Variants in MTO1 observed in about 807,000 individuals in gnomAD.
The protein encoded by MTO1 is 5-taurinomethyluridine-[tRNA] synthase subunit MTO1, mitochondrial.
In MTO1, 46 loss-of-function variants were observed where a neutral mutation model predicts 71.6. The observed-to-expected ratio is 0.64, with a 90% CI of 0.51 to 0.82. The LOEUF is 0.82. Among genes scored for constraint, MTO1 ranks in the 40% least tolerant of loss-of-function variants. The pLI, the probability that MTO1 is intolerant of heterozygous loss-of-function variation, is 0.00. For synonymous variants in MTO1, 297 were observed against 312.1 expected (o/e 0.95, Z 0.51); for missense variants, 773 against 867.5 (o/e 0.89, Z 1.37).
intron 10 of MTO1, among the ~76,000 whole-genome samples, chr6:73,495,211 C>T (rs995294829): frequency 6.6e-6 from 1 of 152,144 alleles, no homozygotes; most frequent in African/African-American, 2.4e-5. Flanking sequence ...AAAGGAAACT[C>T]ATCAGAAACT....
intron 1 of MTO1, among the ~76,000 whole-genome samples, chr6:73,463,915 A>G (rs1374882869): frequency 6.6e-6 from 1 of 151,654 alleles, no homozygotes; most frequent in East Asian, 1.9e-4. Flanking sequence ...AATTTTTTGT[A>G]TTTTTAGTAG....
intron 3 of MTO1, among the ~76,000 whole-genome samples, 163 bp downstream of exon 3, chr6:73,466,769 C>A (rs1339108131): frequency 6.6e-6 from 1 of 152,154 alleles, no homozygotes; most frequent in Admixed American, 6.6e-5. Context: ...TTTCTCTTTT[C>A]ATCTTGGCAT....
chr6:73,492,403 G>C lies in MTO1; in HGVS notation c.1756+51G>C, dbSNP rs757917711. On this transcript the variant is annotated intron_variant, in intron 10 of 11. Coordinates refer to ENST00000498286, the MANE Select transcript of MTO1 (RefSeq NM_012123.4). ...TACCTTTATCATATGTGCAAATTAT[G>C]AATAGACAACAGATCCATTATTACT... The C allele has an allele frequency of 9.1e-6, 11 of 1,215,050 alleles. No individual in the cohort carries two copies. The Middle Eastern group carries it at 5.7e-4, about 63-fold the overall frequency. The allele number at this position is 1,215,050 out of a possible 1,614,324, so 75.3% of individuals were successfully genotyped here. A position where few individuals can be genotyped will look rare whatever the true frequency, so the allele number is the denominator to read the frequency against.
Position 73,473,452 on chromosome 6 carries a change from A to G in MTO1, c.623A>G (p.His208Arg), listed in dbSNP as rs560308812. 30 of 1,614,150 alleles carry G rather than the reference A, an allele frequency of 1.9e-5. No individual in the cohort carries two copies. The South Asian group carries it at 3.0e-4, about 16-fold the overall frequency. ...ATGATTGTAATTGGATTGGAGACGC[A>G]TCCAGCAGGACGTTTAGGGGATCAG... is the stretch of plus-strand genomic sequence containing the variant. Reference protein sequence around the residue: ...RGMIVIGLETHPAGRLGDQPS... With the variant: ...RGMIVIGLETRPAGRLGDQPS... The change falls in exon 4 of 12, where the codon CAT becomes CGT. Residue 208 changes from histidine to arginine, a missense_variant. Coordinates refer to ENST00000498286, the MANE Select transcript of MTO1 (RefSeq NM_012123.4).
At chr6:73,493,700 A>G (rs1394495692) in intron 10 of MTO1, among the ~76,000 whole-genome samples, 2 of 151,530 alleles carry the variant, frequency 1.3e-5, no homozygotes, top group Non-Finnish European at 2.9e-5. Flanking sequence ...ATATATATAT[A>G]TATCTTTATA....
chr6:73,470,294 C>A (rs896691237), intron 3 of MTO1, among the ~76,000 whole-genome samples: 1 of 151,900 alleles, frequency 6.6e-6, no homozygotes, highest in African/African-American at 2.4e-5. Context: ...GCAACCTCTG[C>A]CCCCCAGGTT....
At position 73,479,976 on chromosome 6, in the gene MTO1, A is replaced by T. The variant is rs775265615; in HGVS notation, c.979A>T (p.Asn327Tyr). 6.2e-7 allele frequency: 1 copy of T among 1,613,534 alleles called. No homozygotes were observed. The highest frequency in any genetic ancestry group is 8.5e-7 in the Non-Finnish European group (1 of 1,179,796). Reference protein sequence around the residue: ...SIESKVLRFPNRLHQVWLEPE... With the variant: ...SIESKVLRFPYRLHQVWLEPE... The stretch of plus-strand genomic sequence containing the variant: ...TGAATCAAAAGTTTTGCGTTTTCCA[A>T]ACCGTCTACATCAGGTTTGGTTGGA... The change falls in exon 6 of 12, where the codon AAC becomes TAC. Residue 327 changes from asparagine to tyrosine, a missense_variant. By Grantham distance (143) the Asn-to-Tyr change is moderately radical. Coordinates refer to ENST00000498286, the MANE Select transcript of MTO1 (RefSeq NM_012123.4).
rs1366412623 is a variant in MTO1 at position 73,479,354 on chromosome 6, A to G, written c.826-378A>G. The stretch of plus-strand genomic sequence containing the variant: ...TACCAAAAATACAAAAATTAGCCGA[A>G]CGTAGTGGTGCATGCCTGTGATCCC... On this transcript the variant is annotated intron_variant, in intron 4 of 11. Coordinates refer to ENST00000498286, the MANE Select transcript of MTO1 (RefSeq NM_012123.4). Among the ~76,000 whole-genome samples, 3 of 151,814 alleles carry G rather than the reference A, an allele frequency of 2.0e-5. No homozygotes were observed. In the East Asian group the frequency reaches 5.9e-4, roughly 30 times the overall value.
chr6:73,500,714 A>G lies in MTO1; in HGVS notation c.2058A>G (p.Arg686=). The change falls in exon 12 of 12, where the codon AGA becomes AGG. Residue 686 remains arginine, a synonymous_variant. Transcript: ENST00000498286. The part of the protein sequence containing the change: ...KTDQYLCDAD[R]LQEREL Reference sequence around the variant, plus strand: ...ATCAATACTTATGTGATGCAGACAGACTTCAAGAGAGAGAGTTATAGCTTT... The same window carrying G: ...ATCAATACTTATGTGATGCAGACAGGCTTCAAGAGAGAGAGTTATAGCTTT... 1 of 1,592,520 alleles carries G rather than the reference A, an allele frequency of 6.3e-7. No individual in the cohort carries two copies. Among genetic ancestry groups the G allele is most frequent in the Non-Finnish European group, 8.5e-7 (1 of 1,171,830 alleles).
chr6:73,468,328 A>G (rs1771057398), intron 3 of MTO1, among the ~76,000 whole-genome samples: 1 of 152,098 alleles, frequency 6.6e-6, no homozygotes, highest in Non-Finnish European at 1.5e-5. Context: ...CATGTTGGTC[A>G]GGCTGGTCTT....
At chr6:73,469,127 C>T (rs1197331613) in intron 3 of MTO1, among the ~76,000 whole-genome samples, 1 of 152,092 alleles carries the variant, frequency 6.6e-6, no homozygotes, top group Non-Finnish European at 1.5e-5. Flanking sequence ...ACCTCAACCT[C>T]CCAAGTAGCT....
At position 73,482,623 on chromosome 6, in the gene MTO1, A is replaced by T. The variant is rs761797198; in HGVS notation, c.1637+3A>T. Reference sequence around the variant, plus strand: ...ACTAGTAGAAGTCTGCCTGTCAGGTATGCATTTTTAATATAGACCTTTCTC... The same window carrying T: ...ACTAGTAGAAGTCTGCCTGTCAGGTTTGCATTTTTAATATAGACCTTTCTC... On this transcript the variant is annotated splice_donor_region_variant and intron_variant, in intron 9 of 11. Transcript: ENST00000498286. 1 of 1,588,724 alleles carries T rather than the reference A, an allele frequency of 6.3e-7. No homozygotes were observed. Among genetic ancestry groups the T allele is most frequent in the African/African-American group, 1.4e-5 (1 of 73,102 alleles).
chr6:73,487,077 A>T (rs918112552), intron 9 of MTO1, among the ~76,000 whole-genome samples: 5 of 152,068 alleles, frequency 3.3e-5, no homozygotes, highest in Non-Finnish European at 5.9e-5. Context: ...GTGTTTATCT[A>T]TTCATCTGTT....
rs1772222068 is a variant in MTO1 at position 73,503,850 on chromosome 6, C to T, written c.*3115C>T. 6.6e-6 allele frequency: 1 copy of T among 152,164 alleles called. No homozygotes were observed. Among genetic ancestry groups the T allele is most frequent in the Non-Finnish European group, 1.5e-5 (1 of 68,020 alleles). 9.4% of individuals were successfully genotyped at this position (152,164 alleles called of 1,614,324 possible). On this transcript the variant is annotated 3_prime_UTR_variant, in exon 12 of 12. Coordinates refer to ENST00000498286, the MANE Select transcript of MTO1 (RefSeq NM_012123.4). ...AATGAAGTTCCTTTATAGCCAAGAG[C>T]TTAAATTTTGTTACTGATGGTTTTA...
chr6:73,482,834 C>G (rs564238504), intron 9 of MTO1, among the ~76,000 whole-genome samples: 1 of 147,402 alleles, frequency 6.8e-6, no homozygotes, highest in East Asian at 2.0e-4. Context: ...CTCTTTCACC[C>G]AGGCCAGACT....
At chr6:73,477,068 T>C (rs1771346498) in intron 4 of MTO1, among the ~76,000 whole-genome samples, 1 of 151,288 alleles carries the variant, frequency 6.6e-6, no homozygotes, top group Admixed American at 6.6e-5. Flanking sequence ...ATTACAGGCA[T>C]GAGCCACTGC....
chr6:73,492,995 T>TGTGTGTGTGTGTGTGTA (rs540252865), intron 10 of MTO1, among the ~76,000 whole-genome samples: 3 of 73,306 alleles, frequency 4.1e-5, no homozygotes, highest in African/African-American at 1.4e-4. Flanking sequence ...TGTGTGTGTA[T>TGTGTGTGTGTGTGTGTA]TTTTTTTTTT....
chr6:73,462,227 A>G lies in MTO1; in HGVS notation c.217+156A>G, dbSNP rs922702567. ...CCTCGATCAGTGTCTCGCAAGGATCAGGCGGGCCAGGCCAGAACTCTATAT... is the reference window on the plus strand; with the variant it reads ...CCTCGATCAGTGTCTCGCAAGGATCGGGCGGGCCAGGCCAGAACTCTATAT... On this transcript the variant is annotated intron_variant, in intron 1 of 11. Coordinates refer to ENST00000498286, the MANE Select transcript of MTO1 (RefSeq NM_012123.4). 32 of 766,154 alleles carry G rather than the reference A, an allele frequency of 4.2e-5. No individual in the cohort carries two copies. In the African/African-American group the frequency reaches 4.7e-4, roughly 11 times the overall value. The allele number at this position is 766,154 out of a possible 1,614,324, so 47.5% of individuals were successfully genotyped here.
chr6:73,463,636 AAT>A (rs1770892275), intron 1 of MTO1, among the ~76,000 whole-genome samples: 1 of 152,182 alleles, frequency 6.6e-6, no homozygotes, highest in Non-Finnish European at 1.5e-5. Context: ...ACTGTGAAGA[AAT>A]ATATACTATT....
Sources: gnomAD v4.1 joint callset for allele counts (sites outside exome capture counted in the v4.1 genomes callset) on GRCh38, gnomAD v4.1.1 for gene constraint, MANE v1.5 for transcripts, NCBI Gene and HGNC (gene_info 2026-07-23, HGNC 2026-07-21) for gene names.